The following LINGO2 variants were observed in gnomAD, a reference collection of about 807,000 sequenced individuals.
LINGO2 encodes leucine rich repeat and Ig domain containing 2, also known as leucine-rich repeat and immunoglobulin-like domain-containing nogo receptor-interacting protein 2.
A neutral mutation model predicts 30.6 loss-of-function variants in LINGO2; 14 were observed. The observed-to-expected ratio is 0.46, with a 90% confidence interval of 0.30 to 0.72. The LOEUF (loss-of-function observed/expected upper bound fraction) is 0.72, where lower values mean the gene tolerates loss of function less well. LINGO2 is among the 30% of genes least tolerant of loss of function. LINGO2 has a pLI of 0.07. For synonymous variants in LINGO2, 317 were observed against 288.5 expected (o/e 1.10, Z -1.00); for missense variants, 729 against 751.7 (o/e 0.97, Z 0.35).
At chr9:28,625,251 C>T (rs181461718) in intron 1 of LINGO2, among the ~76,000 whole-genome samples, 5 of 152,190 alleles carry the variant, frequency 3.3e-5, no homozygotes, top group East Asian at 3.9e-4. Flanking sequence ...TTACTTTCTG[C>T]GTGACAGGAT....
At chr9:28,104,235 T>C (rs1826503183) in intron 4 of LINGO2, among the ~76,000 whole-genome samples, 1 of 150,542 alleles carries the variant, frequency 6.6e-6, no homozygotes, top group Non-Finnish European at 1.5e-5. Flanking sequence ...GGAGTAGGGA[T>C]TTGCTTTTCC....
At chr9:28,983,213 A>G in the LINGO2 span, among the ~76,000 whole-genome samples, 1 of 151,824 alleles carries the variant, frequency 6.6e-6, no homozygotes, top group Admixed American at 6.6e-5. Flanking sequence ...AGAAAAAACT[A>G]AGAATATGCA....
At chr9:27,999,124 T>C (rs1375295890) in intron 5 of LINGO2, among the ~76,000 whole-genome samples, 2 of 151,938 alleles carry the variant, frequency 1.3e-5, no homozygotes, top group Non-Finnish European at 1.5e-5. Flanking sequence ...GAAAGGCACA[T>C]TGGGTCCTGG....
Position 28,453,919 on chromosome 9 carries a change from A to T in LINGO2, c.-279+22021T>A, listed in dbSNP as rs533526827. Among the ~76,000 whole-genome samples the T allele has an allele frequency of 4.6e-5, 7 of 152,172 alleles. No individual in the cohort carries two copies. The South Asian group carries it at 1.4e-3, about 32-fold the overall frequency. ...AACCACATAGATATTGCATATGAAT[A>T]CTGACCCATGCCTTTAATTTTTGCT... On this transcript the variant is annotated intron_variant, in intron 2 of 5. Transcript: ENST00000379992.
chr9:28,447,916 G>C (rs1289837228), intron 2 of LINGO2, among the ~76,000 whole-genome samples: 1 of 152,142 alleles, frequency 6.6e-6, no homozygotes, highest in Non-Finnish European at 1.5e-5. Context: ...CATCTTTGTG[G>C]ATAAGATGGA....
intron 4 of LINGO2, among the ~76,000 whole-genome samples, chr9:28,217,893 AC>A (rs1326516680): frequency 1.3e-5 from 2 of 152,026 alleles, no homozygotes; most frequent in African/African-American, 4.8e-5. Context: ...GAAATAAGGT[AC>A]CTAGGTTTGA....
intron 5 of LINGO2, among the ~76,000 whole-genome samples, chr9:27,956,132 G>T (rs140387115): frequency 0.012 from 1,867 of 152,104 alleles, 26 homozygotes; most frequent in African/African-American, 0.04. Context: ...CAGAGACGGG[G>T]TTTTCTCCGT....
intron 1 of LINGO2, among the ~76,000 whole-genome samples, chr9:28,620,480 T>A (rs572681958): frequency 6.6e-6 from 1 of 152,180 alleles, no homozygotes; most frequent in African/African-American, 2.4e-5. Flanking sequence ...ACACAGGAAT[T>A]TATATTGAAA....
the LINGO2 span, among the ~76,000 whole-genome samples, chr9:28,725,333 G>A: frequency 8.6e-5 from 13 of 151,396 alleles, no homozygotes; most frequent in African/African-American, 2.9e-4. Context: ...AATTAATATT[G>A]AAAAAAAATC....
At chr9:29,087,081 T>TGGCCA in the LINGO2 span, among the ~76,000 whole-genome samples, 1 of 152,138 alleles carries the variant, frequency 6.6e-6, no homozygotes, top group African/African-American at 2.4e-5. Flanking sequence ...TTCACCATGT[T>TGGCCA]GGCCAGGCTG....
chr9:28,217,090 G>T (rs951271697), intron 4 of LINGO2, among the ~76,000 whole-genome samples: 2 of 150,270 alleles, frequency 1.3e-5, no homozygotes, highest in Non-Finnish European at 3.0e-5. Flanking sequence ...ATAAATTCAT[G>T]ATAAAATATA....
intron 1 of LINGO2, among the ~76,000 whole-genome samples, chr9:28,611,833 T>A (rs10812852): frequency 0.27 from 40,397 of 149,376 alleles, 5,727 homozygotes; most frequent in Admixed American, 0.36. Flanking sequence ...TTATTTATTT[T>A]TTTTTGAGAC....
At chr9:28,727,525 T>C in the LINGO2 span, among the ~76,000 whole-genome samples, 2 of 152,142 alleles carry the variant, frequency 1.3e-5, no homozygotes, top group African/African-American at 2.4e-5. Flanking sequence ...CCTGATCTCA[T>C]GATCTGCCTG....
chr9:28,774,959 G>A, the LINGO2 span, among the ~76,000 whole-genome samples: 2 of 150,246 alleles, frequency 1.3e-5, no homozygotes, highest in Non-Finnish European at 3.0e-5. Flanking sequence ...GGAACAAATC[G>A]TCGAATAAGT....
chr9:28,479,956 T>TATATATATATAC (rs1491144467), intron 1 of LINGO2, among the ~76,000 whole-genome samples: 49 of 104,994 alleles, frequency 4.7e-4, no homozygotes, highest in East Asian at 8.8e-4. Context: ...TATATATATA[T>TATATATATATAC]GTACATTTTG....
intron 5 of LINGO2, among the ~76,000 whole-genome samples, chr9:27,985,916 G>A (rs985831890): frequency 6.6e-6 from 1 of 151,804 alleles, no homozygotes; most frequent in Non-Finnish European, 1.5e-5. Context: ...CTGATGGACT[G>A]GAACTGAGGA....
chr9:28,790,826 T>C, the LINGO2 span, among the ~76,000 whole-genome samples: 7 of 152,272 alleles, frequency 4.6e-5, no homozygotes, highest in South Asian at 1.2e-3. Context: ...GGTATGTATG[T>C]ATAGGGAAAA....
At chr9:28,373,252 G>A (rs1465153566) in intron 2 of LINGO2, among the ~76,000 whole-genome samples, 1 of 152,088 alleles carries the variant, frequency 6.6e-6, no homozygotes, top group African/African-American at 2.4e-5. Flanking sequence ...GATAAATTCA[G>A]GCAAGATTAT....
At chr9:29,056,820 C>T in the LINGO2 span, among the ~76,000 whole-genome samples, 1 of 152,076 alleles carries the variant, frequency 6.6e-6, no homozygotes, top group Non-Finnish European at 1.5e-5. Context: ...TTCCAATTAT[C>T]CCAGCACCAT....
Sources: allele counts gnomAD v4.1 joint callset (sites outside exome capture counted in the v4.1 genomes callset), GRCh38; gene constraint gnomAD v4.1.1; transcripts MANE v1.5; gene names NCBI Gene and HGNC (gene_info 2026-07-23, HGNC 2026-07-21).